Variants in TRPC1 observed in about 807,000 individuals in gnomAD.
TRPC1 encodes the protein transient receptor potential cation channel subfamily C member 1, also known as short transient receptor potential channel 1.
A neutral mutation model predicts 88.2 loss-of-function variants in TRPC1; 42 were observed. That is an observed-to-expected ratio of 0.48 (90% CI 0.37 to 0.62). The LOEUF is 0.62. Among genes scored for constraint, TRPC1 ranks in the 20% least tolerant of loss-of-function variants. The probability of loss-of-function intolerance (pLI) is 0.00; values close to 1 mark genes in which losing one functional copy is unlikely to be tolerated. For synonymous variants in TRPC1, 288 were observed against 331.8 expected, an observed-to-expected ratio of 0.87 and a Z score of 1.43; for missense variants, 699 against 957.3, an observed-to-expected ratio of 0.73 and a Z score of 3.56.
chr3:142,804,817 A>G (rs1451630207), intron 12 of TRPC1, among the ~76,000 whole-genome samples, 187 bp downstream of exon 12: 1 of 152,106 alleles, frequency 6.6e-6, no homozygotes, highest in Non-Finnish European at 1.5e-5. Flanking sequence ...TACTATTGAG[A>G]GTGAGAGGGC....
intron 4 of TRPC1, among the ~76,000 whole-genome samples, chr3:142,755,846 T>C (rs935770905): frequency 2.0e-5 from 3 of 152,208 alleles, no homozygotes; most frequent in Non-Finnish European, 4.4e-5. Flanking sequence ...ACTATTACCA[T>C]AATCTAATAT....
At chr3:142,746,056 G>A (rs142789701) in intron 3 of TRPC1, among the ~76,000 whole-genome samples, 266 of 152,212 alleles carry the variant, frequency 1.7e-3, no homozygotes, top group Middle Eastern at 0.01. Flanking sequence ...ATCATATCTT[G>A]ATAGCCCTTT....
At chr3:142,725,077 C>T (rs1933619823) in intron 1 of TRPC1, among the ~76,000 whole-genome samples, 1 of 152,258 alleles carries the variant, frequency 6.6e-6, no homozygotes, top group South Asian at 2.1e-4. Context: ...CTCTGGCTCG[C>T]AGTTCATTCC....
At chr3:142,799,642 A>G (rs1452774576) in intron 9 of TRPC1, among the ~76,000 whole-genome samples, 1 of 152,062 alleles carries the variant, frequency 6.6e-6, no homozygotes, top group Non-Finnish European at 1.5e-5. Context: ...CTTGTCTACA[A>G]AAAAATAAAT....
chr3:142,793,859 A>G, intron 9 of TRPC1: 11 of 985,318 alleles, frequency 1.1e-5, no homozygotes, highest in Non-Finnish European at 1.3e-5. Flanking sequence ...AATAAAATAT[A>G]TAGGAAAAAC....
intron 4 of TRPC1, among the ~76,000 whole-genome samples, chr3:142,759,691 A>G (rs1380860850): frequency 6.6e-6 from 1 of 152,142 alleles, no homozygotes; most frequent in East Asian, 1.9e-4. Flanking sequence ...TAGTTTAATT[A>G]GATCCCATTT....
chr3:142,792,987 T>TA lies in TRPC1; in HGVS notation c.1581+23dup, dbSNP rs766725097. The TA allele has an allele frequency of 6.4e-7, 1 of 1,560,344 alleles. No individual in the cohort carries two copies. Among genetic ancestry groups the TA allele is most frequent in the Admixed American group, 1.9e-5 (1 of 51,356 alleles). On this transcript the variant is annotated intron_variant, in intron 9 of 12. Coordinates refer to ENST00000476941, the MANE Select transcript of TRPC1 (RefSeq NM_001251845.2). This position sits in a 1 kb window ranked among gnomAD's most constrained non-coding sequence, Gnocchi z 4.0. Reference sequence around the variant, plus strand: ...TTACAGGTAAATAATTAAAATTTCTTAAAGAACATTTTTTAGATGTCATTA... The same window carrying TA: ...TTACAGGTAAATAATTAAAATTTCTTAAAAGAACATTTTTTAGATGTCATTA...
intron 12 of TRPC1, among the ~76,000 whole-genome samples, chr3:142,805,129 TACAC>T (rs71153991): frequency 0.23 from 21,983 of 94,994 alleles, 1,941 homozygotes; most frequent in Middle Eastern, 0.33. Context: ...AATATATATA[TACAC>T]ACACACACAC....
chr3:142,748,533 C>A, intron 4 of TRPC1, 73 bp downstream of exon 4: 1 of 1,501,418 alleles, frequency 6.7e-7, no homozygotes, highest in South Asian at 1.2e-5. Context: ...AATTGGTATT[C>A]TTTCTATGCA....
At chr3:142,763,365 T>G (rs1436701454) in intron 4 of TRPC1, among the ~76,000 whole-genome samples, 2 of 152,032 alleles carry the variant, frequency 1.3e-5, no homozygotes, top group South Asian at 2.1e-4. Context: ...ACTTGGGGGC[T>G]CCAGTGTTGG....
At position 142,780,838 on chromosome 3, in the gene TRPC1, G is replaced by T; in HGVS notation, c.769G>T (p.Asp257Tyr). ...ATAGAATGCTGCATTTTATAGGAATGATTATGAGGAACTAGCCCGGCAATG... is the reference window on the plus strand; with the variant it reads ...ATAGAATGCTGCATTTTATAGGAATTATTATGAGGAACTAGCCCGGCAATG... The part of the protein sequence containing the change: ...LSLVEVEFRN[D>Y]YEELARQCKM... Residue 257 changes from aspartate to tyrosine, a missense_variant, in exon 6 of 13, where the codon GAT (aspartate) becomes TAT (tyrosine). Asp to Tyr is a radical substitution (Grantham distance 160). Transcript: ENST00000476941. 1 of 1,604,158 alleles carries T rather than the reference G, an allele frequency of 6.2e-7. No homozygotes were observed. Among genetic ancestry groups the T allele is most frequent in the South Asian group, 1.1e-5 (1 of 88,606 alleles).
At chr3:142,772,525 G>A (rs752447920) in intron 4 of TRPC1, among the ~76,000 whole-genome samples, 8 of 152,280 alleles carry the variant, frequency 5.3e-5, no homozygotes, top group South Asian at 2.1e-4. Flanking sequence ...GCTGGGCGCC[G>A]TGGCTCACTC....
intron 3 of TRPC1, among the ~76,000 whole-genome samples, chr3:142,746,844 C>T (rs1372232376): frequency 1.3e-5 from 2 of 150,910 alleles, no homozygotes; most frequent in African/African-American, 2.4e-5. Flanking sequence ...GGCGAAAGAG[C>T]GAGACTCCAC....
intron 3 of TRPC1, among the ~76,000 whole-genome samples, chr3:142,744,820 GT>G (rs961680739): frequency 6.6e-5 from 10 of 151,998 alleles, no homozygotes; most frequent in African/African-American, 2.2e-4. Context: ...TAATTTTATT[GT>G]TTTTTAATCA....
chr3:142,740,941 A>C (rs1934321169), intron 2 of TRPC1, among the ~76,000 whole-genome samples: 1 of 152,180 alleles, frequency 6.6e-6, no homozygotes, highest in Admixed American at 6.5e-5. Flanking sequence ...AGGGTTCTAA[A>C]GATTGGAGAG....
chr3:142,736,399 A>C lies in TRPC1; in HGVS notation c.193A>C (p.Lys65Gln), dbSNP rs1318843912. ...TTTAGGTGACTATTATATGGTTAAA[A>C]AGATTTTGGAGGAAAACAGTTCAGG... ...CDKGDYYMVK[K>Q]ILEENSSGDL... The change falls in exon 2 of 13, where the codon AAG (lysine) becomes CAG (glutamine). Residue 65 changes from lysine to glutamine, a missense_variant. By Grantham distance (53) the Lys-to-Gln change is moderately conservative (BLOSUM62 1). Coordinates refer to ENST00000476941, the MANE Select transcript of TRPC1 (RefSeq NM_001251845.2). 1 of 1,608,384 alleles carries C rather than the reference A, an allele frequency of 6.2e-7. No individual in the cohort carries two copies. Among genetic ancestry groups the C allele is most frequent in the South Asian group, 1.1e-5 (1 of 90,040 alleles).
chr3:142,729,211 C>T (rs1350344090), intron 1 of TRPC1, among the ~76,000 whole-genome samples: 1 of 152,190 alleles, frequency 6.6e-6, no homozygotes, highest in Non-Finnish European at 1.5e-5. Flanking sequence ...CAGCTAGCTG[C>T]CTGGTAGTTC....
At chr3:142,795,480 A>T (rs1936424435) in intron 9 of TRPC1, among the ~76,000 whole-genome samples, 1 of 152,006 alleles carries the variant, frequency 6.6e-6, no homozygotes, top group African/African-American at 2.4e-5. Flanking sequence ...ATAGCAGGTC[A>T]TCATATACAG....
chr3:142,773,040 T>G (rs138588245), intron 4 of TRPC1, among the ~76,000 whole-genome samples: 14 of 152,290 alleles, frequency 9.2e-5, no homozygotes, highest in African/African-American at 2.2e-4. Context: ...GAGGTTTTCA[T>G]TGTACCTTAA....
Sources: gnomAD v4.1 joint callset for allele counts (sites outside exome capture counted in the v4.1 genomes callset) on GRCh38, gnomAD v4.1.1 for gene constraint, Gnocchi (gnomAD v3.1) non-coding constraint, MANE v1.5 for transcripts, NCBI Gene and HGNC (gene_info 2026-07-23, HGNC 2026-07-21) for gene names.